Variants in ZMYM4 observed in about 807,000 individuals in gnomAD.
ZMYM4 encodes the protein zinc finger MYM-type protein 4.
In ZMYM4, 31 loss-of-function variants were observed where a neutral mutation model predicts 183.2. The observed-to-expected ratio is 0.17, with a 90% CI of 0.13 to 0.23. ZMYM4 has a LOEUF of 0.23. Among genes scored for constraint, ZMYM4 ranks in the 10% least tolerant of loss-of-function variants. The pLI is 1.00. For missense variants in ZMYM4, 1,273 were observed against 1,840.3 expected (o/e 0.69, Z 5.64); for synonymous variants, 592 against 631.2 (o/e 0.94, Z 0.93).
At chr1:35,313,443 T>C (rs1389826403) in intron 1 of ZMYM4, among the ~76,000 whole-genome samples, 1 of 148,620 alleles carries the variant, frequency 6.7e-6, no homozygotes, top group Non-Finnish European at 1.5e-5. Flanking sequence ...AGCTGCAGTG[T>C]AGTAGCACGA....
intron 1 of ZMYM4, among the ~76,000 whole-genome samples, chr1:35,322,473 G>A (rs530092016): frequency 9.9e-5 from 15 of 151,914 alleles, no homozygotes; most frequent in Admixed American, 2.6e-4. Context: ...ATGTGAAGTA[G>A]TGATTGTGAT....
At chr1:35,332,309 C>G (rs1642786143) in intron 2 of ZMYM4, among the ~76,000 whole-genome samples, 2 of 151,708 alleles carry the variant, frequency 1.3e-5, no homozygotes, top group South Asian at 4.1e-4. Flanking sequence ...GTATGTGCTA[C>G]TTAACAAATC....
At chr1:35,295,296 TAGG>T (rs938257367) in intron 1 of ZMYM4, among the ~76,000 whole-genome samples, 4 of 152,128 alleles carry the variant, frequency 2.6e-5, no homozygotes, top group South Asian at 2.1e-4. Context: ...GGGTATCTGA[TAGG>T]AGGAACATTC....
chr1:35,397,034 C>G (rs1009235559), intron 19 of ZMYM4: 1 of 990,100 alleles, frequency 1.0e-6, no homozygotes, highest in Non-Finnish European at 1.2e-6. Context: ...TTTTTAATTA[C>G]AAATTTATTT....
intron 1 of ZMYM4, among the ~76,000 whole-genome samples, chr1:35,319,617 G>A (rs190605301): frequency 3.1e-3 from 464 of 151,948 alleles, no homozygotes; most frequent in Non-Finnish European, 4.8e-3. Flanking sequence ...AGCAAGACCC[G>A]TCTCAAAAAA....
chr1:35,331,182 C>T (rs977778796), intron 2 of ZMYM4, among the ~76,000 whole-genome samples: 2 of 152,034 alleles, frequency 1.3e-5, no homozygotes, highest in Admixed American at 6.6e-5. Context: ...ATCCTTCAAA[C>T]ATTGTAAAGG....
rs1205771081 is a variant in ZMYM4 at position 35,358,923 on chromosome 1, A to T, written c.86-2A>T. The T allele has an allele frequency of 6.2e-7, 1 of 1,607,472 alleles. No individual in the cohort carries two copies. Among genetic ancestry groups the T allele is most frequent in the Non-Finnish European group, 8.5e-7 (1 of 1,175,996 alleles). On this transcript the variant is annotated splice_acceptor_variant, in intron 2 of 29. Coordinates refer to ENST00000314607, the MANE Select transcript of ZMYM4 (RefSeq NM_005095.3). LOFTEE classifies it high-confidence loss of function. ...TGTCTAAACAGTATTTTACTTTTTA[A>T]GGTGGTGGTATCATGGATACAGAAA...
chr1:35,321,797 G>T (rs1348697574), intron 1 of ZMYM4, among the ~76,000 whole-genome samples: 1 of 152,018 alleles, frequency 6.6e-6, no homozygotes, highest in South Asian at 2.1e-4. Flanking sequence ...ATGAAGCTTA[G>T]TTGGAAGGAA....
At chr1:35,271,212 C>T (rs1295272441) in intron 1 of ZMYM4, among the ~76,000 whole-genome samples, 2 of 152,024 alleles carry the variant, frequency 1.3e-5, no homozygotes, top group Non-Finnish European at 2.9e-5. Context: ...TTGTCATTCA[C>T]CTTCTGTACT....
chr1:35,312,228 T>C (rs1392401479), intron 1 of ZMYM4, among the ~76,000 whole-genome samples: 2 of 152,194 alleles, frequency 1.3e-5, no homozygotes, highest in East Asian at 3.8e-4. Flanking sequence ...TGACGTTTGC[T>C]TAGCTTCTTG....
At chr1:35,281,852 A>T (rs1185212526) in intron 1 of ZMYM4, among the ~76,000 whole-genome samples, 1 of 152,150 alleles carries the variant, frequency 6.6e-6, no homozygotes. Flanking sequence ...ACTTTAAATT[A>T]CTTTCTGTGT....
At chr1:35,342,920 G>T (rs938129824) in intron 2 of ZMYM4, among the ~76,000 whole-genome samples, 10 of 151,912 alleles carry the variant, frequency 6.6e-5, no homozygotes, top group African/African-American at 2.4e-4. Context: ...GGCCTCAAGC[G>T]ACCTGCCCGC....
chr1:35,373,827 G>A (rs981319369), intron 7 of ZMYM4, among the ~76,000 whole-genome samples: 6 of 151,826 alleles, frequency 4.0e-5, no homozygotes, highest in East Asian at 3.9e-4. Context: ...GTGAGCCACC[G>A]CGCCCAGCCC....
At chr1:35,361,595 T>C (rs755048822) in intron 4 of ZMYM4, 24 bp from the exon 5 acceptor site, 1 of 1,591,636 alleles carries the variant, frequency 6.3e-7, no homozygotes, top group African/African-American at 1.4e-5. Flanking sequence ...TGAATATTTA[T>C]TAATCCTTTA....
chr1:35,378,345 C>G (rs1178499680), intron 7 of ZMYM4, among the ~76,000 whole-genome samples: 1 of 152,162 alleles, frequency 6.6e-6, no homozygotes, highest in Non-Finnish European at 1.5e-5. Context: ...TTTCCAGAAG[C>G]TTTTTAATTT....
intron 2 of ZMYM4, chr1:35,350,710 C>T: frequency 2.6e-6 from 1 of 388,352 alleles, no homozygotes; most frequent in South Asian, 2.6e-5. Context: ...ACAAAGATCT[C>T]TCTTCTGCAG....
At chr1:35,382,645 A>G (rs1415414021) in intron 9 of ZMYM4, among the ~76,000 whole-genome samples, 2 of 151,964 alleles carry the variant, frequency 1.3e-5, no homozygotes, top group African/African-American at 4.8e-5. Flanking sequence ...GGATTTCACT[A>G]TACTGGCCAG....
intron 23 of ZMYM4, among the ~76,000 whole-genome samples, chr1:35,400,706 C>G (rs769703858): frequency 2.0e-5 from 3 of 152,084 alleles, no homozygotes; most frequent in Admixed American, 6.5e-5. Flanking sequence ...ATGTAATTCC[C>G]ACCACAATCA....
intron 2 of ZMYM4, among the ~76,000 whole-genome samples, chr1:35,352,137 A>G (rs369947300): frequency 1.3e-5 from 2 of 152,202 alleles, no homozygotes; most frequent in African/African-American, 4.8e-5. Context: ...AGTGACTTGC[A>G]CCTATAATTC....
Sources: allele counts gnomAD v4.1 joint callset (sites outside exome capture counted in the v4.1 genomes callset), GRCh38; gene constraint gnomAD v4.1.1; transcripts MANE v1.5; gene names NCBI Gene and HGNC (gene_info 2026-07-23, HGNC 2026-07-21).